The following MTFR1 variants were observed in gnomAD, a reference collection of about 807,000 sequenced individuals.
MTFR1 encodes the protein mitochondrial fission regulator 1, also known as chondrocyte protein with a poly-proline region.
A neutral mutation model predicts 38.8 loss-of-function variants in MTFR1; 28 were observed. The observed-to-expected ratio is 0.72, with a 90% confidence interval of 0.53 to 0.99. MTFR1 has a LOEUF of 0.99. MTFR1 is among the 50% of genes least tolerant of loss of function. The probability of loss-of-function intolerance (pLI) is 0.00; values close to 1 mark genes in which losing one functional copy is unlikely to be tolerated. For synonymous variants in MTFR1, 145 were observed against 137.0 expected (o/e 1.06, Z -0.41); for missense variants, 358 against 395.5 (o/e 0.91, Z 0.81).
intron 3 of MTFR1, among the ~76,000 whole-genome samples, chr8:65,730,630 T>C (rs1806842887): frequency 1.3e-5 from 2 of 152,016 alleles, no homozygotes; most frequent in African/African-American, 2.4e-5. Context: ...TCTAGAGGTC[T>C]AAAAACAGAG....
At chr8:65,755,778 C>T (rs1292302997) in intron 3 of MTFR1, among the ~76,000 whole-genome samples, 1 of 152,116 alleles carries the variant, frequency 6.6e-6, no homozygotes, top group African/African-American at 2.4e-5. Context: ...TAAAGAACTC[C>T]CTTTAGCATT....
chr8:65,729,501 T>C (rs1280690901), intron 3 of MTFR1, among the ~76,000 whole-genome samples: 1 of 151,984 alleles, frequency 6.6e-6, no homozygotes, highest in Admixed American at 6.6e-5. Flanking sequence ...GAGAGCAGTT[T>C]AGTGACATAA....
intron 3 of MTFR1, among the ~76,000 whole-genome samples, chr8:65,744,876 C>G (rs1807600655): frequency 6.6e-6 from 1 of 152,132 alleles, no homozygotes; most frequent in Non-Finnish European, 1.5e-5. Context: ...GAGATTGATT[C>G]TGTAGGCTTT....
At chr8:65,689,597 T>C in intron 3 of MTFR1, 1 of 1,276,162 alleles carries the variant, frequency 7.8e-7, no homozygotes, top group Non-Finnish European at 1.0e-6. Flanking sequence ...CTGGGAACCT[T>C]CAGTAAGTTG....
chr8:65,768,914 T>C (rs1288043719), intron 3 of MTFR1, among the ~76,000 whole-genome samples: 1 of 152,190 alleles, frequency 6.6e-6, no homozygotes, highest in Non-Finnish European at 1.5e-5. Context: ...AGATGCTATC[T>C]GAGGAAATTT....
chr8:65,661,044 C>A (rs1046537549), intron 1 of MTFR1, among the ~76,000 whole-genome samples: 6 of 152,152 alleles, frequency 3.9e-5, no homozygotes, highest in Non-Finnish European at 8.8e-5. Flanking sequence ...ATAAAAGGAT[C>A]AGAGATGCCA....
chr8:65,673,578 C>T (rs1342377751), intron 2 of MTFR1, among the ~76,000 whole-genome samples: 2 of 149,720 alleles, frequency 1.3e-5, no homozygotes, highest in African/African-American at 4.9e-5. Flanking sequence ...ACGTTCTGCA[C>T]ATGTATCCCA....
chr8:65,776,066 G>A (rs560512856), downstream of MTFR1, among the ~76,000 whole-genome samples: 1 of 152,170 alleles, frequency 6.6e-6, no homozygotes, highest in South Asian at 2.1e-4. Context: ...CTAAATCAAT[G>A]TTATTGATTT....
At chr8:65,686,956 G>T (rs1805103404) in intron 3 of MTFR1, among the ~76,000 whole-genome samples, 1 of 151,200 alleles carries the variant, frequency 6.6e-6, no homozygotes, top group South Asian at 2.1e-4. Context: ...ACAAATGTTT[G>T]TGGCCATTTT....
At chr8:65,670,122 A>G in intron 2 of MTFR1, 104 bp downstream of exon 2, 1 of 960,190 alleles carries the variant, frequency 1.0e-6, no homozygotes, top group Non-Finnish European at 1.6e-6. Flanking sequence ...TCTTGAATTC[A>G]ATATGTTTAT....
chr8:65,752,286 A>G (rs1416818033), intron 3 of MTFR1, among the ~76,000 whole-genome samples: 7 of 152,068 alleles, frequency 4.6e-5, no homozygotes, highest in African/African-American at 1.7e-4. Context: ...AAGACCTTTT[A>G]TCTTAATTTC....
downstream of MTFR1, among the ~76,000 whole-genome samples, chr8:65,715,139 T>G (rs1250984699): frequency 1.3e-5 from 2 of 152,220 alleles, no homozygotes; most frequent in Non-Finnish European, 2.9e-5. Context: ...TGCATTCTGT[T>G]CTGTAATATT....
At chr8:65,747,266 G>A (rs1449541752) in intron 3 of MTFR1, among the ~76,000 whole-genome samples, 2 of 152,168 alleles carry the variant, frequency 1.3e-5, no homozygotes, top group Non-Finnish European at 2.9e-5. Flanking sequence ...CTGGGTGGGC[G>A]CAAACAAGTC....
chr8:65,743,169 G>A (rs1417840569), intron 3 of MTFR1, among the ~76,000 whole-genome samples: 2 of 152,144 alleles, frequency 1.3e-5, no homozygotes, highest in Non-Finnish European at 2.9e-5. Flanking sequence ...GTTAAGAGTG[G>A]CATTGTTTCA....
At chr8:65,739,700 A>G (rs1159859025) in intron 3 of MTFR1, 2 of 1,173,462 alleles carry the variant, frequency 1.7e-6, no homozygotes, top group South Asian at 6.2e-5. Context: ...GGAAAGAGTA[A>G]TAATTCCCAC....
At chr8:65,767,032 AACAACG>A (rs1466194201) in intron 3 of MTFR1, among the ~76,000 whole-genome samples, 2 of 141,766 alleles carry the variant, frequency 1.4e-5, no homozygotes, top group African/African-American at 5.6e-5. Flanking sequence ...CAACAACAAC[AACAACG>A]CCTGGACCAC....
intron 3 of MTFR1, among the ~76,000 whole-genome samples, chr8:65,751,200 G>A (rs1807937919): frequency 1.3e-5 from 2 of 152,182 alleles, no homozygotes; most frequent in Admixed American, 1.3e-4. Context: ...AAAATCCCAC[G>A]AGACTTTGCA....
chr8:65,777,863 A>C, the MTFR1 span, among the ~76,000 whole-genome samples: 1 of 152,256 alleles, frequency 6.6e-6, no homozygotes. Flanking sequence ...ATACTCTGGT[A>C]CACTTAGGTG....
At chr8:65,728,248 A>G (rs957841836) in intron 3 of MTFR1, 2 of 152,236 alleles carry the variant, frequency 1.3e-5, no homozygotes, top group Non-Finnish European at 2.9e-5. Flanking sequence ...CTTATGGATT[A>G]TTATACTGAA....
Sources: gnomAD v4.1 joint callset for allele counts (sites outside exome capture counted in the v4.1 genomes callset) on GRCh38, gnomAD v4.1.1 for gene constraint, MANE v1.5 for transcripts, NCBI Gene and HGNC (gene_info 2026-07-23, HGNC 2026-07-21) for gene names.